The following VPS13D variants were observed in gnomAD, a reference collection of about 807,000 sequenced individuals.
VPS13D encodes vacuolar protein sorting 13 homolog D.
In VPS13D, 187 loss-of-function variants were observed where a neutral mutation model predicts 461.9. The observed-to-expected ratio is 0.40, with a 90% CI of 0.36 to 0.46. The LOEUF is 0.46. Among genes scored for constraint, VPS13D ranks in the 20% least tolerant of loss-of-function variants. The pLI, the probability that VPS13D is intolerant of heterozygous loss-of-function variation, is 0.60. For missense variants in VPS13D, 4,711 were observed against 5,364.9 expected, an observed-to-expected ratio of 0.88 and a Z score of 3.81; for synonymous variants, 1,951 against 1,986.3, an observed-to-expected ratio of 0.98 and a Z score of 0.47.
chr1:12,357,901 G>A (rs1423164038), intron 49 of VPS13D, among the ~76,000 whole-genome samples: 1 of 151,588 alleles, frequency 6.6e-6, no homozygotes, highest in Non-Finnish European at 1.5e-5. Flanking sequence ...CTACTTGGGA[G>A]GCTGAGGCAG....
chr1:12,344,324 G>A (rs1265613290), intron 42 of VPS13D, among the ~76,000 whole-genome samples: 2 of 152,126 alleles, frequency 1.3e-5, no homozygotes, highest in Non-Finnish European at 2.9e-5. Flanking sequence ...AAGTCAAGCA[G>A]GTTTCCTTTT....
intron 40 of VPS13D, among the ~76,000 whole-genome samples, chr1:12,338,641 T>G (rs1643502298): frequency 6.6e-6 from 1 of 152,184 alleles, no homozygotes; most frequent in Non-Finnish European, 1.5e-5. Flanking sequence ...CATCAAGCAG[T>G]GGTGCCACAA....
rs1570182782 is a variant in VPS13D, at chr1:12,444,354, G to T, written c.12334-11644G>T. 2.0e-5 allele frequency among the ~76,000 whole-genome samples: 3 copies of T among 151,896 alleles called. No homozygotes were observed. In the East Asian group the frequency reaches 5.8e-4, roughly 29 times the overall value. On this transcript the variant is annotated intron_variant, in intron 65 of 69. Coordinates refer to ENST00000620676, the MANE Select transcript of VPS13D (RefSeq NM_015378.4). ...TGTTTTTAGTTTCTATTAATAATAT[G>T]CCTCGATATGATTCTCAGGCTTGGG...
At chr1:12,455,301 A>C (rs894525617) in intron 65 of VPS13D, among the ~76,000 whole-genome samples, 1 of 152,174 alleles carries the variant, frequency 6.6e-6, no homozygotes, top group African/African-American at 2.4e-5. Flanking sequence ...TTGATACCAA[A>C]CCCTAAAGCA....
At position 12,415,076 on chromosome 1, in the gene VPS13D, TC is replaced by T; in HGVS notation, c.12031-8del. 6.2e-7 allele frequency: 1 copy of T among 1,613,724 alleles called. No homozygotes were observed. The highest frequency in any genetic ancestry group is 1.1e-5 in the South Asian group (1 of 91,016). On this transcript the variant is annotated splice_polypyrimidine_tract_variant and intron_variant, in intron 63 of 69. Coordinates refer to ENST00000620676, the MANE Select transcript of VPS13D (RefSeq NM_015378.4). Reference sequence around the variant, plus strand: ...GACTTAAGTATGTCATTTCCTTTCTTCCCTAATTAGGCCCTAAAAAGCACCT... The same window carrying T: ...GACTTAAGTATGTCATTTCCTTTCTTCCTAATTAGGCCCTAAAAAGCACCT...
chr1:12,318,202 A>G lies in VPS13D; in HGVS notation c.7279A>G (p.Thr2427Ala). 1 of 1,614,066 alleles carries G rather than the reference A, an allele frequency of 6.2e-7. No individual in the cohort carries two copies. Among genetic ancestry groups the G allele is most frequent in the African/African-American group, 1.3e-5 (1 of 75,000 alleles). Residue 2427 changes from threonine (T) to alanine (A), a missense_variant, in exon 31 of 70, where the codon ACT becomes GCT. By Grantham distance (58) the Thr-to-Ala change is moderately conservative (BLOSUM62 0). Transcript: ENST00000620676. ...TGATATTAAGAAACAAAATCATGTTACTCCTTCTCGCCACCGTAACTCTAG... is the reference window on the plus strand; with the variant it reads ...TGATATTAAGAAACAAAATCATGTTGCTCCTTCTCGCCACCGTAACTCTAG... The part of the protein sequence containing the change: ...PSDIKKQNHV[T>A]PSRHRNSSSE...
At chr1:12,251,731 T>C (rs534932159) in intron 6 of VPS13D, among the ~76,000 whole-genome samples, 1 of 152,318 alleles carries the variant, frequency 6.6e-6, no homozygotes, top group South Asian at 2.1e-4. Context: ...ACATACCTGA[T>C]TGTGGTATCT....
chr1:12,417,434 AG>A (rs559754463), intron 65 of VPS13D, among the ~76,000 whole-genome samples: 16 of 152,322 alleles, frequency 1.1e-4, no homozygotes, highest in East Asian at 9.6e-4. Flanking sequence ...AGCGAGTTGA[AG>A]GTAGTTGCTA....
At chr1:12,369,229 CTGTGTGTGTG>C (rs142328809) in intron 53 of VPS13D, among the ~76,000 whole-genome samples, 31 of 147,658 alleles carry the variant, frequency 2.1e-4, no homozygotes, top group Admixed American at 1.9e-3. Context: ...GTGTGTGTAT[CTGTGTGTGTG>C]TGTGTGTGTG....
At chr1:12,268,249 CTT>C (rs35267390) in intron 15 of VPS13D, among the ~76,000 whole-genome samples, 12 of 100,726 alleles carry the variant, frequency 1.2e-4, no homozygotes, top group South Asian at 3.2e-4. Context: ...CATGCCTGAG[CTT>C]TTTTTTTTTT....
At position 12,275,897 on chromosome 1, in the gene VPS13D, C is replaced by CCT; in HGVS notation, c.2310_2311insTC (p.Pro771SerfsTer39). ...CAGTTTAGTGATGATGAATATAAGA[C>CCT]CCCCCTGGCCACACCTCCTAACACC... On this transcript the variant is annotated frameshift_variant, in exon 19 of 70. Transcript: ENST00000620676. LOFTEE classifies it high-confidence loss of function. 1.2e-6 allele frequency: 2 copies of CCT among 1,613,352 alleles called. No homozygotes were observed. Among genetic ancestry groups the CCT allele is most frequent in the Non-Finnish European group, 1.7e-6 (2 of 1,179,804 alleles).
chr1:12,254,813 C>A (rs1163709925), intron 7 of VPS13D, among the ~76,000 whole-genome samples: 1 of 151,872 alleles, frequency 6.6e-6, no homozygotes, highest in East Asian at 1.9e-4. Context: ...CAGGTGTGAG[C>A]TACCACACCC....
At chr1:12,274,112 G>A (rs532702530) in intron 18 of VPS13D, among the ~76,000 whole-genome samples, 11 of 152,008 alleles carry the variant, frequency 7.2e-5, no homozygotes, top group Non-Finnish European at 1.3e-4. Flanking sequence ...GCCATCTCAG[G>A]TCACTGCAAC....
intron 13 of VPS13D, among the ~76,000 whole-genome samples, chr1:12,263,449 C>T (rs1437858873): frequency 3.3e-5 from 5 of 152,106 alleles, no homozygotes; most frequent in Non-Finnish European, 5.9e-5. Context: ...TTTGGAGTTA[C>T]AAATTTTAGC....
At chr1:12,442,610 T>G (rs1645144605) in intron 65 of VPS13D, among the ~76,000 whole-genome samples, 1 of 151,206 alleles carries the variant, frequency 6.6e-6, no homozygotes, top group Admixed American at 6.6e-5. Context: ...TTTCCTTTTC[T>G]CTGTAGACAG....
intron 69 of VPS13D, 151 bp from the exon 70 acceptor site, chr1:12,508,742 T>C (rs1280683357): frequency 1.3e-6 from 1 of 774,540 alleles, no homozygotes; most frequent in East Asian, 2.9e-5. Flanking sequence ...TGAGTGCGAG[T>C]GAAGCAGGAG....
chr1:12,470,480 C>T (rs1645548538), intron 67 of VPS13D, among the ~76,000 whole-genome samples: 1 of 152,160 alleles, frequency 6.6e-6, no homozygotes, highest in Non-Finnish European at 1.5e-5. Flanking sequence ...TTTGAACTAT[C>T]GAGGGCCCAG....
At chr1:12,343,141 ATGATT>A (rs1643607536) in intron 42 of VPS13D, 90 bp downstream of exon 42, 1 of 1,068,300 alleles carries the variant, frequency 9.4e-7, no homozygotes, top group Non-Finnish European at 1.3e-6. Flanking sequence ...TTCCTTATAA[ATGATT>A]TTATTTTATT....
chr1:12,398,510 A>G (rs1261396673), intron 60 of VPS13D, among the ~76,000 whole-genome samples: 1 of 152,142 alleles, frequency 6.6e-6, no homozygotes, highest in Non-Finnish European at 1.5e-5. Flanking sequence ...GTGTGTGGAA[A>G]GTACCTGCAG....
Sources: allele counts gnomAD v4.1 joint callset (sites outside exome capture counted in the v4.1 genomes callset), GRCh38; gene constraint gnomAD v4.1.1; transcripts MANE v1.5; gene names NCBI Gene and HGNC (gene_info 2026-07-23, HGNC 2026-07-21).